Variants in MMP26 observed in about 807,000 individuals in gnomAD.
The protein encoded by MMP26 is matrix metallopeptidase 26.
MMP26 carries 33 observed loss-of-function variants against 31.0 expected under a neutral mutation model. That is an observed-to-expected ratio of 1.06 (90% CI 0.81 to 1.42). MMP26 has a LOEUF of 1.42. Among genes scored for constraint, MMP26 ranks in the 40% most tolerant of loss-of-function variants. The pLI is 0.00. For missense variants in MMP26, 347 were observed against 316.1 expected, an observed-to-expected ratio of 1.10 and a Z score of -0.74; for synonymous variants, 122 against 114.9, an observed-to-expected ratio of 1.06 and a Z score of -0.40.
intron 2 of MMP26, chr11:4,924,292 C>G: frequency 6.2e-7 from 1 of 1,613,480 alleles, no homozygotes; most frequent in Non-Finnish European, 8.5e-7. Context: ...GGAAGCCCGT[C>G]AGGAAGAAAG....
intron 2 of MMP26, chr11:4,848,896 A>C (rs1487844046): frequency 6.2e-7 from 1 of 1,614,194 alleles, no homozygotes; most frequent in Non-Finnish European, 8.5e-7. Context: ...TGTAGAAGGC[A>C]GGCTGAGGCA....
In MMP26 at chr11:4,716,141, G is replaced by A. The variant is rs896011981; in HGVS notation, c.-217+11096G>A. ...ATACCACAAGGAACTAAATTCCTACGGCAATCTGAGTGAGGATTGTAATTA... is the reference window on the plus strand; with the variant it reads ...ATACCACAAGGAACTAAATTCCTACAGCAATCTGAGTGAGGATTGTAATTA... On this transcript the variant is annotated intron_variant, in intron 1 of 7. Coordinates refer to ENST00000380390, the MANE Select transcript of MMP26 (RefSeq NM_021801.5). Among the ~76,000 whole-genome samples the A allele has an allele frequency of 3.3e-5, 5 of 152,266 alleles. No homozygotes were observed. The East Asian group carries it at 5.8e-4, about 18-fold the overall frequency.
chr11:4,888,670 T>C (rs78214094), intron 2 of MMP26, among the ~76,000 whole-genome samples: 2,246 of 152,286 alleles, frequency 0.015, 32 homozygotes, highest in Non-Finnish European at 0.022. Flanking sequence ...TATTAAGGAA[T>C]GTTATGAGAT....
At chr11:4,859,011 C>G (rs969482570) in intron 2 of MMP26, among the ~76,000 whole-genome samples, 1 of 152,242 alleles carries the variant, frequency 6.6e-6, no homozygotes, top group South Asian at 2.1e-4. Context: ...GGAAAACTGG[C>G]TAGCCATATG....
At chr11:4,843,080 A>C (rs1849818243) in intron 2 of MMP26, among the ~76,000 whole-genome samples, 1 of 152,174 alleles carries the variant, frequency 6.6e-6, no homozygotes, top group South Asian at 2.1e-4. Flanking sequence ...GGCCTTCAGC[A>C]CCTGTGCCCC....
At chr11:4,922,282 G>T (rs1436787496) in intron 2 of MMP26, among the ~76,000 whole-genome samples, 2 of 152,042 alleles carry the variant, frequency 1.3e-5, no homozygotes, top group Admixed American at 1.3e-4. Flanking sequence ...TTCCTTTCTG[G>T]AATCTAGAGT....
chr11:4,835,571 T>C (rs548872224), intron 2 of MMP26, among the ~76,000 whole-genome samples: 3 of 151,648 alleles, frequency 2.0e-5, no homozygotes, highest in South Asian at 4.2e-4. Context: ...CAGGAGAGAG[T>C]GGGAAAAAGG....
intron 2 of MMP26, among the ~76,000 whole-genome samples, chr11:4,940,847 A>G (rs1339085945): frequency 6.6e-6 from 1 of 152,156 alleles, no homozygotes. Flanking sequence ...CAGTATATCC[A>G]GAGGCAGATC....
intron 1 of MMP26, chr11:4,711,786 T>C (rs1173854497): frequency 6.6e-6 from 1 of 152,180 alleles, no homozygotes; most frequent in Non-Finnish European, 1.5e-5. Context: ...TAACAAGACA[T>C]TTACGGATTA....
At chr11:4,798,642 A>G (rs547808153) in intron 2 of MMP26, among the ~76,000 whole-genome samples, 1 of 152,292 alleles carries the variant, frequency 6.6e-6, no homozygotes, top group Non-Finnish European at 1.5e-5. Context: ...GGAGGCTGAC[A>G]CACACCAGAT....
intron 2 of MMP26, chr11:4,803,940 C>T (rs1232141321): frequency 6.2e-7 from 1 of 1,613,378 alleles, no homozygotes; most frequent in Admixed American, 1.7e-5. Context: ...CGATGGTCCC[C>T]AGTTTGATCA....
rs145509653 is a variant in MMP26, at chr11:4,927,546, A to T, written c.-144-60522A>T. On this transcript the variant is annotated intron_variant, in intron 2 of 7. Coordinates refer to ENST00000380390, the MANE Select transcript of MMP26 (RefSeq NM_021801.5). The stretch of plus-strand genomic sequence containing the variant: ...GATTTAGCAAACAGCTAAGACTGAG[A>T]GCTCAGTGTGTGGCTCAGGTTCCCT... Among the ~76,000 whole-genome samples the T allele has an allele frequency of 7.4e-3, 1,126 of 152,220 alleles. 6 individuals are homozygous for T. Among genetic ancestry groups the T allele is most frequent in the Non-Finnish European group, 0.013 (863 of 68,000 alleles).
chr11:4,943,931 A>T (rs541120745), intron 2 of MMP26: 8 of 420,042 alleles, frequency 1.9e-5, no homozygotes, highest in African/African-American at 4.1e-5. Flanking sequence ...TCCTGAAAGA[A>T]TAAGATGCTA....
At chr11:4,931,465 C>T (rs1336851271) in intron 2 of MMP26, among the ~76,000 whole-genome samples, 3 of 151,892 alleles carry the variant, frequency 2.0e-5, no homozygotes, top group African/African-American at 7.3e-5. Flanking sequence ...ACAAAACACG[C>T]AAACATATAA....
intron 2 of MMP26, among the ~76,000 whole-genome samples, chr11:4,853,860 G>A (rs182072730): frequency 1.2e-3 from 183 of 152,138 alleles, no homozygotes; most frequent in Middle Eastern, 0.01. Flanking sequence ...AAATTTTCCT[G>A]AAGTAAATAG....
At chr11:4,920,675 G>C (rs879730015) in intron 2 of MMP26, among the ~76,000 whole-genome samples, 1 of 152,178 alleles carries the variant, frequency 6.6e-6, no homozygotes, top group Non-Finnish European at 1.5e-5. Flanking sequence ...GTTGTGTGCA[G>C]TTCTGTCAAG....
At chr11:4,896,096 G>C (rs1034886820) in intron 2 of MMP26, among the ~76,000 whole-genome samples, 3 of 151,950 alleles carry the variant, frequency 2.0e-5, no homozygotes, top group Admixed American at 6.6e-5. Flanking sequence ...CAAAATTTCG[G>C]AGTTTCTATT....
intron 2 of MMP26, among the ~76,000 whole-genome samples, chr11:4,911,704 G>C (rs1026181567): frequency 1.3e-5 from 2 of 151,926 alleles, no homozygotes; most frequent in African/African-American, 4.8e-5. Flanking sequence ...GTTCAGAAAA[G>C]CCCCTCTTTA....
At chr11:4,836,042 G>A (rs1369268283) in intron 2 of MMP26, among the ~76,000 whole-genome samples, 22 of 151,920 alleles carry the variant, frequency 1.4e-4, no homozygotes, top group Non-Finnish European at 1.5e-5. Flanking sequence ...AGAAAAAACT[G>A]TTAATGAAAC....
Sources: allele counts gnomAD v4.1 joint callset (sites outside exome capture counted in the v4.1 genomes callset), GRCh38; gene constraint gnomAD v4.1.1; transcripts MANE v1.5; gene names NCBI Gene and HGNC (gene_info 2026-07-23, HGNC 2026-07-21).